APOBEC1: variants seen among roughly 807,000 people sequenced by gnomAD.
APOBEC1 encodes the protein apolipoprotein B mRNA editing enzyme catalytic subunit 1, also known as C->U-editing enzyme APOBEC-1.
In APOBEC1, 22 loss-of-function variants were observed where a neutral mutation model predicts 26.3. The ratio of observed to expected loss-of-function variants is 0.84; its 90% CI spans 0.60 to 1.19. The LOEUF is 1.19. Among genes scored for constraint, APOBEC1 ranks in the 50% most tolerant of loss-of-function variants. The pLI is 0.00. For synonymous variants in APOBEC1, 77 were observed against 95.3 expected (o/e 0.81, Z 1.12); for missense variants, 253 against 289.0 (o/e 0.88, Z 0.90).
upstream of APOBEC1, among the ~76,000 whole-genome samples, chr12:7,666,745 T>C (rs772041950): frequency 7.9e-5 from 12 of 152,254 alleles, no homozygotes; most frequent in South Asian, 2.5e-3. Flanking sequence ...TCCAACTTCC[T>C]CTCATTTTGC....
At chr12:7,660,365 AAGGAAGGAAG>A in intron 1 of APOBEC1, among the ~76,000 whole-genome samples, 3 of 84,824 alleles carry the variant, frequency 3.5e-5, no homozygotes, top group African/African-American at 1.3e-4. Flanking sequence ...GGAAGGAAGG[AAGGAAGGAAG>A]GAAAGAAAGA....
At chr12:7,650,981 G>A (rs1464104900) in intron 4 of APOBEC1, 42 bp downstream of exon 4, 3 of 1,388,610 alleles carry the variant, frequency 2.2e-6, no homozygotes, top group Non-Finnish European at 3.0e-6. Context: ...GAAGAAGGAT[G>A]CTTCTTTTTG....
At chr12:7,654,766 G>T in intron 1 of APOBEC1, 134 bp from the exon 2 acceptor site, 1 of 875,810 alleles carries the variant, frequency 1.1e-6, no homozygotes, top group Non-Finnish European at 1.8e-6. Flanking sequence ...TGGATTAATT[G>T]TATTGGACCA....
chr12:7,652,117 T>C (rs1592056983), intron 3 of APOBEC1, among the ~76,000 whole-genome samples: 2 of 152,082 alleles, frequency 1.3e-5, no homozygotes, highest in African/African-American at 4.8e-5. Flanking sequence ...CCACCGCACC[T>C]GGCCGGATTT....
intron 1 of APOBEC1, among the ~76,000 whole-genome samples, chr12:7,656,816 C>T (rs143168334): frequency 0.016 from 2,420 of 152,286 alleles, 33 homozygotes; most frequent in African/African-American, 0.022. Flanking sequence ...ACTGTTATTA[C>T]GGCAGCCTTT....
At chr12:7,657,246 G>A (rs1863729845) in intron 1 of APOBEC1, among the ~76,000 whole-genome samples, 1 of 152,148 alleles carries the variant, frequency 6.6e-6, no homozygotes. Context: ...CGCCATGACT[G>A]CCAAATTGTT....
At chr12:7,652,893 C>T (rs1042209937) in intron 2 of APOBEC1, 58 bp from the exon 3 acceptor site, 4 of 1,311,470 alleles carry the variant, frequency 3.1e-6, no homozygotes, top group East Asian at 5.3e-5. Flanking sequence ...TCTTAGAAAT[C>T]TTTTCCTGCT....
intron 2 of APOBEC1, 87 bp from the exon 3 acceptor site, chr12:7,652,922 T>C (rs1003334941): frequency 2.3e-5 from 24 of 1,032,558 alleles, no homozygotes; most frequent in Admixed American, 3.8e-5. Flanking sequence ...CTTTTTTTAT[T>C]TTATTTTATT....
intron 1 of APOBEC1, 105 bp downstream of exon 1, chr12:7,665,752 G>GACACAC (rs60124402): frequency 0.018 from 13,636 of 773,154 alleles, 326 homozygotes; most frequent in Admixed American, 0.072. Context: ...GAATCAGCAG[G>GACACAC]ACACACACAC....
intron 3 of APOBEC1, among the ~76,000 whole-genome samples, chr12:7,651,344 G>A (rs140405147): frequency 3.7e-4 from 57 of 152,218 alleles, no homozygotes; most frequent in Admixed American, 7.9e-4. Context: ...GGCTGGGTGC[G>A]GTGGCTCACG....
chr12:7,665,805 A>ACC (rs1205257563), intron 1 of APOBEC1, 52 bp downstream of exon 1: 9 of 1,376,368 alleles, frequency 6.5e-6, no homozygotes, highest in South Asian at 5.8e-5. Context: ...ACACACACAC[A>ACC]CCATTCTTGC....
At chr12:7,663,372 A>G (rs1364478709) in intron 1 of APOBEC1, among the ~76,000 whole-genome samples, 1 of 152,100 alleles carries the variant, frequency 6.6e-6, no homozygotes, top group Non-Finnish European at 1.5e-5. Flanking sequence ...ATATCTAGGA[A>G]ATAGGACGAA....
At chr12:7,669,976 C>A (rs1449341559), upstream of APOBEC1, among the ~76,000 whole-genome samples, 2 of 151,660 alleles carry the variant, frequency 1.3e-5, no homozygotes, top group African/African-American at 4.8e-5. Flanking sequence ...TCCCTCCCTA[C>A]CTCGCCCACC....
At chr12:7,664,202 T>C (rs1254595893) in intron 1 of APOBEC1, among the ~76,000 whole-genome samples, 1 of 152,088 alleles carries the variant, frequency 6.6e-6, no homozygotes, top group Non-Finnish European at 1.5e-5. Flanking sequence ...GAAAATAAAT[T>C]GTTACTTCAA....
At chr12:7,664,780 G>A (rs1383646648) in intron 1 of APOBEC1, among the ~76,000 whole-genome samples, 1 of 151,750 alleles carries the variant, frequency 6.6e-6, no homozygotes, top group Admixed American at 6.6e-5. Flanking sequence ...GGTGGCCCAT[G>A]CCTGTTGTCC....
At chr12:7,659,323 ATATATAT>A (rs1461763576) in intron 1 of APOBEC1, among the ~76,000 whole-genome samples, 11 of 39,090 alleles carry the variant, frequency 2.8e-4, no homozygotes, top group African/African-American at 1.6e-3. Context: ...AAAAAAAAAA[ATATATAT>A]ATATATATAT....
intron 1 of APOBEC1, among the ~76,000 whole-genome samples, chr12:7,664,044 G>A (rs748683381): frequency 2.0e-5 from 3 of 152,052 alleles, no homozygotes; most frequent in Non-Finnish European, 2.9e-5. Flanking sequence ...TAATAGAGAC[G>A]TTGTTTCTCC....
At chr12:7,654,665 A>C in intron 1 of APOBEC1, 33 bp from the exon 2 acceptor site, 1 of 1,610,412 alleles carries the variant, frequency 6.2e-7, no homozygotes, top group Non-Finnish European at 8.5e-7. Context: ...GTCAAACAAC[A>C]CTCAAATATC....
At chr12:7,664,679 C>T (rs1457848741) in intron 1 of APOBEC1, among the ~76,000 whole-genome samples, 1 of 152,120 alleles carries the variant, frequency 6.6e-6, no homozygotes. Flanking sequence ...CTTTGGGAGG[C>T]CGAGGCTAGT....
Sources: allele counts gnomAD v4.1 joint callset (sites outside exome capture counted in the v4.1 genomes callset), GRCh38; gene constraint gnomAD v4.1.1; transcripts MANE v1.5; gene names NCBI Gene and HGNC (gene_info 2026-07-23, HGNC 2026-07-21).